The following FAS variants were observed in gnomAD, a reference collection of about 807,000 sequenced individuals.
FAS encodes tumor necrosis factor receptor superfamily member 6.
Under a neutral mutation model 33.2 loss-of-function variants are expected in FAS, and 5 were observed. That is an observed-to-expected ratio of 0.15 (90% CI 0.08 to 0.32). The LOEUF (loss-of-function observed/expected upper bound fraction) is 0.32. Among genes scored for constraint, FAS ranks in the 10% least tolerant of loss-of-function variants. FAS has a pLI of 1.00. For synonymous variants in FAS, 131 were observed against 130.7 expected (o/e 1.00, Z -0.01); for missense variants, 339 against 386.0 (o/e 0.88, Z 1.02).
At chr10:89,007,570 T>C in intron 2 of FAS, 130 bp from the exon 3 acceptor site, 1 of 1,183,478 alleles carries the variant, frequency 8.4e-7, no homozygotes, top group Non-Finnish European at 1.2e-6. Flanking sequence ...ATTGTATTTA[T>C]ATCTCATTAG....
At chr10:88,989,233 C>T (rs1357393998), upstream of FAS, among the ~76,000 whole-genome samples, 1 of 152,194 alleles carries the variant, frequency 6.6e-6, no homozygotes, top group African/African-American at 2.4e-5. Flanking sequence ...TCAAGAGATA[C>T]TGATTTTGTC....
chr10:88,965,846 C>T lies in FAS; in HGVS notation n.95-7336C>T, dbSNP rs553047200. On this transcript the variant is annotated intron_variant and non_coding_transcript_variant, in intron 1 of 3. Transcript: ENST00000688239. ...TTGCTTTTAACTAATTATTGATCAC[C>T]GTAATGACTAACTTTTGAGAGAGCC... Among the ~76,000 whole-genome samples, 10 of 152,170 alleles carry T rather than the reference C, an allele frequency of 6.6e-5. No homozygotes were observed. The East Asian group carries it at 7.7e-4, about 12-fold the overall frequency.
At chr10:88,993,810 C>A (rs1306222489) in intron 1 of FAS, among the ~76,000 whole-genome samples, 1 of 151,894 alleles carries the variant, frequency 6.6e-6, no homozygotes, top group African/African-American at 2.4e-5. Flanking sequence ...TGTTTATTTT[C>A]ATTTTTAATG....
At chr10:88,996,293 A>C (rs747546458) in intron 1 of FAS, among the ~76,000 whole-genome samples, 1 of 152,076 alleles carries the variant, frequency 6.6e-6, no homozygotes. Context: ...TTTCATGTGA[A>C]TGTCTGTAAG....
At chr10:88,968,225 C>A (rs1846356218) in intron 1 of FAS, among the ~76,000 whole-genome samples, 2 of 152,170 alleles carry the variant, frequency 1.3e-5, no homozygotes, top group South Asian at 4.1e-4. Flanking sequence ...CCTCATTTAT[C>A]CAGAATATTT....
At chr10:88,998,970 T>C (rs1847765234) in intron 1 of FAS, among the ~76,000 whole-genome samples, 1 of 151,918 alleles carries the variant, frequency 6.6e-6, no homozygotes, top group South Asian at 2.1e-4. Context: ...CTGGCCAACA[T>C]GGTGAAACCC....
upstream of FAS, chr10:88,989,505 G>A (rs1345068257): frequency 1.8e-6 from 1 of 544,212 alleles, no homozygotes; most frequent in Non-Finnish European, 3.6e-6. Context: ...GCACGCCCAG[G>A]GTCTTCCTCA....
chr10:89,010,524 T>C lies in FAS; in HGVS notation c.444-15T>C, dbSNP rs372996634. 5.6e-6 allele frequency: 9 copies of C among 1,606,730 alleles called. No homozygotes were observed. The highest frequency in any genetic ancestry group is 1.6e-4 in the Middle Eastern group (1 of 6,074). Reference sequence around the variant, plus strand: ...CTGCCAGGCTTTTGAATTTCTCCTGTATTTTTTTTTCTAGATGTGAACATG... The same window carrying C: ...CTGCCAGGCTTTTGAATTTCTCCTGCATTTTTTTTTCTAGATGTGAACATG... On this transcript the variant is annotated splice_polypyrimidine_tract_variant and intron_variant, in intron 4 of 8. Transcript: ENST00000652046.
At position 89,008,950 on chromosome 10, in the gene FAS, C is replaced by T; in HGVS notation, c.396C>T (p.Asn132=). ...TQNTKCRCKP[N]FFCNSTVCEH... The stretch of plus-strand genomic sequence containing the variant: ...ATACCAAGTGCAGATGTAAACCAAA[C>T]TTTTTTTGTAACTCTACTGTATGTG... The change falls in exon 4 of 9, where the codon AAC becomes AAT. Residue 132 remains asparagine, a synonymous_variant. Transcript: ENST00000652046. The T allele has an allele frequency of 1.2e-6, 2 of 1,613,992 alleles. No homozygotes were observed. The highest frequency in any genetic ancestry group is 1.7e-6 in the Non-Finnish European group (2 of 1,179,876).
chr10:88,974,725 AAG>A (rs1308172208), intron 2 of FAS: 1 of 152,198 alleles, frequency 6.6e-6, no homozygotes, highest in African/African-American at 2.4e-5. Flanking sequence ...TAGTTCACTT[AAG>A]ACTTTGTTTG....
chr10:88,999,156 A>T (rs1227763388), intron 1 of FAS, among the ~76,000 whole-genome samples: 1 of 117,434 alleles, frequency 8.5e-6, no homozygotes, highest in African/African-American at 2.8e-5. Flanking sequence ...CCGTCTCAAA[A>T]AAATAAATAA....
intron 6 of FAS, among the ~76,000 whole-genome samples, chr10:89,011,238 A>G (rs1347578671): frequency 3.9e-5 from 6 of 152,164 alleles, no homozygotes; most frequent in Non-Finnish European, 8.8e-5. Context: ...GCTTGTTTTT[A>G]ATTATTTCTC....
chr10:88,983,901 G>T (rs1379972419), upstream of FAS, among the ~76,000 whole-genome samples: 2 of 152,148 alleles, frequency 1.3e-5, no homozygotes, highest in African/African-American at 4.8e-5. Context: ...TGCAAAGGCT[G>T]ATAAAGGCCT....
chr10:88,967,468 T>G (rs1439515594), intron 1 of FAS, among the ~76,000 whole-genome samples: 1 of 152,154 alleles, frequency 6.6e-6, no homozygotes, highest in Non-Finnish European at 1.5e-5. Flanking sequence ...GATGCGAGAA[T>G]ACAGTGGAAT....
chr10:88,971,291 A>C (rs151249912), intron 1 of FAS, among the ~76,000 whole-genome samples: 1 of 152,244 alleles, frequency 6.6e-6, no homozygotes, highest in Non-Finnish European at 1.5e-5. Flanking sequence ...ATCCTCAAAG[A>C]GTTAACTTGA....
Position 89,013,999 on chromosome 10 carries a change from C to G in FAS, c.677-120C>G, listed in dbSNP as rs1170527709. The G allele has an allele frequency of 1.3e-5, 13 of 1,038,328 alleles. No individual in the cohort carries two copies. The Admixed American group carries it at 2.4e-4, about 19-fold the overall frequency. The allele number at this position is 1,038,328 out of a possible 1,614,324, so 64.3% of individuals were successfully genotyped here. Reference sequence around the variant, plus strand: ...TTCTGTATTCCCCTAGTCAGCTCTTCATAGACCTTTAGGACTTAGCTATAT... The same window carrying G: ...TTCTGTATTCCCCTAGTCAGCTCTTGATAGACCTTTAGGACTTAGCTATAT... On this transcript the variant is annotated intron_variant, in intron 8 of 8. Coordinates refer to ENST00000652046, the MANE Select transcript of FAS (RefSeq NM_000043.6).
chr10:88,977,127 G>A (rs544721400), intron 2 of FAS, among the ~76,000 whole-genome samples: 115 of 152,118 alleles, frequency 7.6e-4, no homozygotes, highest in African/African-American at 2.6e-3. Flanking sequence ...TGTTCACTCT[G>A]ATGGTAGTTT....
chr10:88,991,219 G>T (rs1258243879), intron 1 of FAS: 2 of 542,140 alleles, frequency 3.7e-6, no homozygotes, highest in East Asian at 6.2e-5. Context: ...TGAGGTGGGC[G>T]TGGGGTGCGG....
chr10:88,999,163 ATAAAT>A (rs1847782277), intron 1 of FAS, among the ~76,000 whole-genome samples: 1 of 107,212 alleles, frequency 9.3e-6, no homozygotes, highest in Non-Finnish European at 2.2e-5. Context: ...AAAAAAATAA[ATAAAT>A]AAATAAAATA....
Sources: allele counts gnomAD v4.1 joint callset (sites outside exome capture counted in the v4.1 genomes callset), GRCh38; gene constraint gnomAD v4.1.1; transcripts MANE v1.5; gene names NCBI Gene and HGNC (gene_info 2026-07-23, HGNC 2026-07-21).